The following MAPKAP1 variants were observed in gnomAD, a reference collection of about 807,000 sequenced individuals.
MAPKAP1 encodes MAPK associated protein 1, also known as target of rapamycin complex 2 subunit MAPKAP1.
Under a neutral mutation model 65.7 loss-of-function variants are expected in MAPKAP1, and 20 were observed. The observed-to-expected ratio is 0.30, with a 90% CI of 0.21 to 0.44. The LOEUF (loss-of-function observed/expected upper bound fraction) is 0.44. Ranked by LOEUF, MAPKAP1 falls within the 20% of genes least tolerant of loss-of-function variation. The probability of loss-of-function intolerance (pLI) is 1.00; values close to 1 mark genes in which losing one functional copy is unlikely to be tolerated. For missense variants in MAPKAP1, 423 were observed against 648.0 expected, an observed-to-expected ratio of 0.65 and a Z score of 3.77; for synonymous variants, 222 against 244.3, an observed-to-expected ratio of 0.91 and a Z score of 0.85.
intron 11 of MAPKAP1, among the ~76,000 whole-genome samples, chr9:125,441,232 C>T (rs1005505128): frequency 7.2e-5 from 11 of 152,088 alleles, no homozygotes; most frequent in African/African-American, 7.2e-5. Context: ...TTGAAGAGCC[C>T]GACAACTCCT....
intron 4 of MAPKAP1, among the ~76,000 whole-genome samples, chr9:125,654,173 C>T (rs761781425): frequency 6.6e-6 from 1 of 152,150 alleles, no homozygotes; most frequent in Non-Finnish European, 1.5e-5. Context: ...GCCCACTCCC[C>T]GATCACCTCA....
intron 3 of MAPKAP1, among the ~76,000 whole-genome samples, chr9:125,669,128 C>G (rs1226436913): frequency 6.7e-6 from 1 of 148,326 alleles, no homozygotes; most frequent in African/African-American, 2.5e-5. Context: ...TGCAGTGAGC[C>G]GAGATGGCAC....
At chr9:125,588,763 C>G (rs1282221212) in intron 4 of MAPKAP1, among the ~76,000 whole-genome samples, 2 of 152,130 alleles carry the variant, frequency 1.3e-5, no homozygotes, top group African/African-American at 4.8e-5. Context: ...TGTTTAAATT[C>G]CTTCGATGAG....
At chr9:125,440,163 A>T (rs1852427806) in intron 11 of MAPKAP1, among the ~76,000 whole-genome samples, 1 of 152,228 alleles carries the variant, frequency 6.6e-6, no homozygotes. Flanking sequence ...CATGGGCGGC[A>T]GCAGCAGTGT....
At chr9:125,642,730 C>T (rs571241168) in intron 4 of MAPKAP1, among the ~76,000 whole-genome samples, 142 of 152,288 alleles carry the variant, frequency 9.3e-4, no homozygotes, top group Non-Finnish European at 1.7e-3. Flanking sequence ...TTAATGTGTG[C>T]TTTTCCCTTT....
intron 4 of MAPKAP1, among the ~76,000 whole-genome samples, chr9:125,621,708 C>T (rs1460647329): frequency 1.3e-5 from 2 of 152,186 alleles, no homozygotes; most frequent in Non-Finnish European, 2.9e-5. Flanking sequence ...TTTAGATATG[C>T]AATATCCTCA....
At chr9:125,698,315 AT>A (rs1461014363) in intron 1 of MAPKAP1, among the ~76,000 whole-genome samples, 6 of 44,836 alleles carry the variant, frequency 1.3e-4, no homozygotes, top group South Asian at 1.2e-3. Context: ...ATATATATAT[AT>A]ATATATATAT....
intron 4 of MAPKAP1, among the ~76,000 whole-genome samples, chr9:125,654,366 G>A (rs1474698208): frequency 7.9e-5 from 12 of 151,894 alleles, no homozygotes; most frequent in Admixed American, 6.6e-4. Flanking sequence ...CTGGTTTTGC[G>A]GATCTGACCA....
intron 9 of MAPKAP1, among the ~76,000 whole-genome samples, chr9:125,472,423 G>A (rs940081997): frequency 6.6e-6 from 1 of 152,112 alleles, no homozygotes; most frequent in African/African-American, 2.4e-5. Context: ...GCCAATAAAT[G>A]CACACATCTA....
chr9:125,546,982 G>C (rs573539865), intron 6 of MAPKAP1, among the ~76,000 whole-genome samples: 1 of 152,278 alleles, frequency 6.6e-6, no homozygotes, highest in East Asian at 1.9e-4. Context: ...GGCTGTCCAT[G>C]CTGGGTCTAG....
At chr9:125,586,088 A>G (rs1426091217) in intron 4 of MAPKAP1, among the ~76,000 whole-genome samples, 2 of 152,024 alleles carry the variant, frequency 1.3e-5, no homozygotes, top group African/African-American at 2.4e-5. Flanking sequence ...CAACTGTCTC[A>G]TTGTCCTTGA....
intron 4 of MAPKAP1, among the ~76,000 whole-genome samples, chr9:125,601,182 C>G (rs2131610680): frequency 6.6e-6 from 1 of 152,106 alleles, no homozygotes; most frequent in South Asian, 2.1e-4. Context: ...ATAGTACAGC[C>G]ATTATCACCT....
At chr9:125,630,160 C>A (rs527763391) in intron 4 of MAPKAP1, among the ~76,000 whole-genome samples, 1 of 152,116 alleles carries the variant, frequency 6.6e-6, no homozygotes, top group African/African-American at 2.4e-5. Context: ...AACTCTCGCT[C>A]GGTCACCCAG....
At chr9:125,578,576 AAAG>A (rs1831521443) in intron 5 of MAPKAP1, among the ~76,000 whole-genome samples, 1 of 152,228 alleles carries the variant, frequency 6.6e-6, no homozygotes, top group African/African-American at 2.4e-5. Flanking sequence ...AAGAAAGAGC[AAAG>A]AAGAGCAGGG....
At chr9:125,483,342 T>C (rs1050930675) in intron 9 of MAPKAP1, among the ~76,000 whole-genome samples, 6 of 152,206 alleles carry the variant, frequency 3.9e-5, no homozygotes, top group African/African-American at 7.2e-5. Context: ...CTAAGCTGTA[T>C]TGTCAGCATA....
chr9:125,564,293 T>A lies in MAPKAP1; in HGVS notation c.672-4484A>T, dbSNP rs187330887. 5.7e-4 allele frequency among the ~76,000 whole-genome samples: 87 copies of A among 152,332 alleles called. 1 individual carries two copies. The East Asian group carries it at 0.011, about 19-fold the overall frequency. ...ATGATACTATGTAAAAATTTTCAAT[T>A]GTCACACATGAAAAGACTAGAAATA... On this transcript the variant is annotated intron_variant, in intron 5 of 11. Transcript: ENST00000265960.
chr9:125,565,740 GCAAA>G (rs1831032506), intron 5 of MAPKAP1: 18 of 124,552 alleles, frequency 1.4e-4, no homozygotes, highest in Non-Finnish European at 2.0e-4. Context: ...TTTCTCTCCT[GCAAA>G]AAAAAAAAAA....
chr9:125,535,233 T>C (rs992434372), intron 7 of MAPKAP1, among the ~76,000 whole-genome samples: 11 of 152,214 alleles, frequency 7.2e-5, no homozygotes, highest in Non-Finnish European at 1.3e-4. Context: ...TCTTCTCATT[T>C]ACCCATCTGA....
intron 7 of MAPKAP1, among the ~76,000 whole-genome samples, chr9:125,520,349 T>C (rs147335382): frequency 1.9e-4 from 29 of 152,348 alleles, no homozygotes; most frequent in African/African-American, 6.0e-4. Flanking sequence ...GGGTCTCTAG[T>C]TCTCTAGGAG....
Sources: allele counts gnomAD v4.1 joint callset (sites outside exome capture counted in the v4.1 genomes callset), GRCh38; gene constraint gnomAD v4.1.1; transcripts MANE v1.5; gene names NCBI Gene and HGNC (gene_info 2026-07-23, HGNC 2026-07-21).